FSTL4: variants seen among roughly 807,000 people sequenced by gnomAD.
The protein encoded by FSTL4 is follistatin like 4.
Under a neutral mutation model 78.2 loss-of-function variants are expected in FSTL4, and 28 were observed. The observed-to-expected ratio is 0.36, with a 90% confidence interval of 0.27 to 0.49. The LOEUF is 0.49. Among genes scored for constraint, FSTL4 ranks in the 20% least tolerant of loss-of-function variants. The pLI is 0.98. For missense variants in FSTL4, 922 were observed against 1,084.9 expected, an observed-to-expected ratio of 0.85 and a Z score of 2.11; for synonymous variants, 422 against 440.5, an observed-to-expected ratio of 0.96 and a Z score of 0.53.
chr5:133,217,416 G>T, intron 12 of FSTL4, 38 bp from the exon 13 acceptor site: 1 of 1,597,412 alleles, frequency 6.3e-7, no homozygotes, highest in South Asian at 1.1e-5. Context: ...CTTCTTAATT[G>T]CCCTTTCCCT....
At chr5:133,737,824 C>T in the FSTL4 span, among the ~76,000 whole-genome samples, 2 of 151,978 alleles carry the variant, frequency 1.3e-5, no homozygotes, top group Admixed American at 6.6e-5. Context: ...AGGCTGGTCT[C>T]GAACTCCTGA....
chr5:133,530,180 C>A (rs1347315671), intron 3 of FSTL4, among the ~76,000 whole-genome samples: 1 of 152,108 alleles, frequency 6.6e-6, no homozygotes, highest in Non-Finnish European at 1.5e-5. Context: ...GTAAAACCGA[C>A]GGTGGGAATC....
At chr5:133,323,123 C>T (rs148553711) in intron 4 of FSTL4, among the ~76,000 whole-genome samples, 21 of 152,250 alleles carry the variant, frequency 1.4e-4, no homozygotes, top group African/African-American at 4.8e-4. Context: ...TCTTAGGCTG[C>T]CGTGTCTACC....
intron 2 of FSTL4, among the ~76,000 whole-genome samples, chr5:133,601,378 A>G (rs1026332651): frequency 1.3e-5 from 2 of 152,220 alleles, no homozygotes; most frequent in Non-Finnish European, 1.5e-5. Context: ...AGAAAACAAA[A>G]AGAGAAAGGA....
At chr5:133,593,800 C>G (rs1580810189) in intron 2 of FSTL4, among the ~76,000 whole-genome samples, 1 of 152,302 alleles carries the variant, frequency 6.6e-6, no homozygotes, top group East Asian at 1.9e-4. Context: ...TTAATTTCGA[C>G]ATTATATACA....
intron 4 of FSTL4, among the ~76,000 whole-genome samples, chr5:133,322,121 T>A (rs927218367): frequency 6.6e-6 from 1 of 152,094 alleles, no homozygotes; most frequent in Non-Finnish European, 1.5e-5. Flanking sequence ...AAATTCCCTA[T>A]GCTCTGAACA....
At chr5:133,791,365 A>G in the FSTL4 span, among the ~76,000 whole-genome samples, 2 of 152,118 alleles carry the variant, frequency 1.3e-5, no homozygotes, top group African/African-American at 4.8e-5. Context: ...TCTTCCTAAC[A>G]TACTATATAC....
At chr5:133,362,427 C>T (rs1262319916) in intron 4 of FSTL4, among the ~76,000 whole-genome samples, 1 of 152,170 alleles carries the variant, frequency 6.6e-6, no homozygotes, top group Non-Finnish European at 1.5e-5. Context: ...GAGTTGAGAA[C>T]CAGTGTTTGA....
chr5:133,267,517 G>A (rs1382194887), intron 6 of FSTL4, among the ~76,000 whole-genome samples: 1 of 152,304 alleles, frequency 6.6e-6, no homozygotes, highest in African/African-American at 2.4e-5. Flanking sequence ...TTTGCCCCAG[G>A]TCTCAAGTGG....
At chr5:133,577,223 C>A (rs2112953922) in intron 2 of FSTL4, among the ~76,000 whole-genome samples, 1 of 152,272 alleles carries the variant, frequency 6.6e-6, no homozygotes, top group Non-Finnish European at 1.5e-5. Context: ...CTGAATAATC[C>A]AGCAAAGAAC....
In FSTL4 at chr5:133,201,929, T is replaced by C. The variant is rs1256061154; in HGVS notation, c.1826+4A>G. ...GCCTTAGAGGCATCATGGGCCAGTC[T>C]CACCTGATGTGGTTGATGATGAGGT... is the stretch of plus-strand genomic sequence containing the variant. On this transcript the variant is annotated splice_donor_region_variant and intron_variant, in intron 15 of 15. Transcript: ENST00000265342. 3 of 1,558,942 alleles carry C rather than the reference T, an allele frequency of 1.9e-6. No individual in the cohort carries two copies. The East Asian group carries it at 6.7e-5, about 35-fold the overall frequency.
At chr5:133,212,214 C>T (rs73273865) in intron 13 of FSTL4, among the ~76,000 whole-genome samples, 2,403 of 152,350 alleles carry the variant, frequency 0.016, 47 homozygotes, top group African/African-American at 0.05. Flanking sequence ...TCCTGTTAAA[C>T]TTCCCTCAAG....
At chr5:133,220,188 C>T (rs909163870) in intron 12 of FSTL4, among the ~76,000 whole-genome samples, 1 of 152,228 alleles carries the variant, frequency 6.6e-6, no homozygotes, top group Admixed American at 6.5e-5. Flanking sequence ...TTGACATGAC[C>T]CTTTGGGATT....
chr5:133,685,534 G>A, the FSTL4 span, among the ~76,000 whole-genome samples: 2 of 152,238 alleles, frequency 1.3e-5, no homozygotes, highest in African/African-American at 4.8e-5. Context: ...TGGAGACAGT[G>A]AAGTGCTGCA....
chr5:133,615,278 T>A (rs534125078), upstream of FSTL4, among the ~76,000 whole-genome samples: 2 of 152,336 alleles, frequency 1.3e-5, no homozygotes, highest in Non-Finnish European at 2.9e-5. Flanking sequence ...GAGTCTTCCT[T>A]GTCTTGCATA....
chr5:133,763,566 C>G, the FSTL4 span, among the ~76,000 whole-genome samples: 2 of 152,210 alleles, frequency 1.3e-5, no homozygotes, highest in East Asian at 3.9e-4. Flanking sequence ...GCTGGACCAG[C>G]TGACTGCACA....
chr5:133,343,780 C>T (rs761870497), intron 4 of FSTL4, among the ~76,000 whole-genome samples: 16 of 152,108 alleles, frequency 1.1e-4, no homozygotes, highest in Non-Finnish European at 2.1e-4. Context: ...AATTCAATTG[C>T]TAGATTTTGA....
the FSTL4 span, among the ~76,000 whole-genome samples, chr5:133,820,865 A>T: frequency 2.6e-5 from 4 of 152,258 alleles, no homozygotes; most frequent in African/African-American, 9.6e-5. Context: ...GAGGGAAAAA[A>T]GATACATTAA....
chr5:133,732,409 C>T, the FSTL4 span, among the ~76,000 whole-genome samples: 1 of 152,118 alleles, frequency 6.6e-6, no homozygotes, highest in Admixed American at 6.5e-5. Flanking sequence ...CCAGTAGGTG[C>T]CATCTAAATT....
Sources: gnomAD v4.1 joint callset for allele counts (sites outside exome capture counted in the v4.1 genomes callset) on GRCh38, gnomAD v4.1.1 for gene constraint, MANE v1.5 for transcripts, NCBI Gene and HGNC (gene_info 2026-07-23, HGNC 2026-07-21) for gene names.